Variants in RAPGEF6 observed in about 807,000 individuals in gnomAD.
The protein encoded by RAPGEF6 is PDZ domain containing guanine nucleotide exchange factor (GEF) 2.
Under a neutral mutation model 171.4 loss-of-function variants are expected in RAPGEF6, and 56 were observed. The ratio of observed to expected loss-of-function variants is 0.33; its 90% CI spans 0.26 to 0.41. The LOEUF (loss-of-function observed/expected upper bound fraction) is 0.41, where lower values mean the gene tolerates loss of function less well. RAPGEF6 is among the 10% of genes least tolerant of loss of function. The pLI is 1.00. For missense variants in RAPGEF6, 1,674 were observed against 1,921.4 expected (o/e 0.87, Z 2.41); for synonymous variants, 692 against 650.1 (o/e 1.06, Z -0.98).
At chr5:131,524,609 TGAGA>T (rs55956395) in intron 6 of RAPGEF6, among the ~76,000 whole-genome samples, 122 of 134,992 alleles carry the variant, frequency 9.0e-4, no homozygotes, top group South Asian at 2.1e-3. Flanking sequence ...AGAGAGAGAT[TGAGA>T]GAGAGAGAGA....
chr5:131,605,321 GGAAA>G (rs1435558625), intron 1 of RAPGEF6, among the ~76,000 whole-genome samples: 2 of 152,146 alleles, frequency 1.3e-5, no homozygotes, highest in East Asian at 3.8e-4. Context: ...AGAAGAAAGT[GGAAA>G]GAGTCTATAG....
intron 4 of RAPGEF6, among the ~76,000 whole-genome samples, chr5:131,582,870 G>GAGTA (rs1296520349): frequency 6.6e-6 from 1 of 152,160 alleles, no homozygotes; most frequent in African/African-American, 2.4e-5. Context: ...CTTTGGAGAA[G>GAGTA]AGTAAGGCAC....
At chr5:131,529,997 T>G (rs1194053562) in intron 6 of RAPGEF6, among the ~76,000 whole-genome samples, 1 of 143,362 alleles carries the variant, frequency 7.0e-6, no homozygotes, top group Non-Finnish European at 1.5e-5. Context: ...AACCTCTGCC[T>G]CCCGGATTCA....
intron 6 of RAPGEF6, among the ~76,000 whole-genome samples, chr5:131,545,374 T>C (rs1451483612): frequency 6.6e-6 from 1 of 151,504 alleles, no homozygotes; most frequent in Non-Finnish European, 1.5e-5. Flanking sequence ...TTCAGCACTC[T>C]AGAAAGAAAA....
chr5:131,521,028 C>T (rs571402797), intron 7 of RAPGEF6, among the ~76,000 whole-genome samples: 1 of 152,284 alleles, frequency 6.6e-6, no homozygotes, highest in African/African-American at 2.4e-5. Context: ...CTTCTAACTA[C>T]AGAAGACATA....
intron 1 of RAPGEF6, among the ~76,000 whole-genome samples, chr5:131,622,499 A>T (rs1765650798): frequency 6.6e-6 from 1 of 152,272 alleles, no homozygotes; most frequent in South Asian, 2.1e-4. Flanking sequence ...TTATTAAAAT[A>T]GTGGAGAATG....
intron 6 of RAPGEF6, among the ~76,000 whole-genome samples, chr5:131,545,919 T>A (rs1156664333): frequency 1.3e-5 from 2 of 152,162 alleles, no homozygotes; most frequent in Non-Finnish European, 2.9e-5. Flanking sequence ...CATGCAAAAA[T>A]GCCACTATAC....
chr5:131,510,583 A>T, intron 7 of RAPGEF6, 92 bp from the exon 8 acceptor site: 1 of 1,213,760 alleles, frequency 8.2e-7, no homozygotes, highest in Non-Finnish European at 1.2e-6. Flanking sequence ...TCCCTACAAA[A>T]TATAAAAGAC....
chr5:131,577,103 A>G (rs1762650216), intron 4 of RAPGEF6, among the ~76,000 whole-genome samples: 1 of 152,174 alleles, frequency 6.6e-6, no homozygotes, highest in African/African-American at 2.4e-5. Context: ...AGAGGCCCAC[A>G]GGGTCTGAGA....
rs752310561 is a variant in RAPGEF6 at position 131,428,990 on chromosome 5, C to T, written c.4692G>A (p.Ser1564=). The change falls in exon 27 of 28, where the codon TCG becomes TCA. Residue 1564 remains serine (S), a synonymous_variant. Coordinates refer to ENST00000509018, the MANE Select transcript of RAPGEF6 (RefSeq NM_016340.6). ...GCCTCTGAGGCTGAGTTACAATCTT[C>T]GATGGAACACAGGCCACGAGGTTGC... ...LSSNLVACVP[S]KIVTQPQRHN... is the part of the protein sequence containing the mutation. The T allele has an allele frequency of 3.7e-5, 60 of 1,614,164 alleles. No individual in the cohort carries two copies. The highest frequency in any genetic ancestry group is 5.0e-5 in the Non-Finnish European group (59 of 1,180,014).
intron 9 of RAPGEF6, 126 bp from the exon 10 acceptor site, chr5:131,505,648 C>G: frequency 2.5e-6 from 2 of 805,096 alleles, no homozygotes; most frequent in South Asian, 3.7e-5. Context: ...GGTTATATTA[C>G]CAAACACTCT....
At chr5:131,482,543 T>C (rs1755559812) in intron 15 of RAPGEF6, among the ~76,000 whole-genome samples, 1 of 152,182 alleles carries the variant, frequency 6.6e-6, no homozygotes, top group South Asian at 2.1e-4. Flanking sequence ...GCTCAAATGA[T>C]CCTTCTGCCT....
intron 1 of RAPGEF6, among the ~76,000 whole-genome samples, chr5:131,632,300 A>C (rs1766364928): frequency 6.6e-6 from 1 of 152,100 alleles, no homozygotes; most frequent in African/African-American, 2.4e-5. Context: ...TGCTCTCAAC[A>C]TAGGGCCTTT....
intron 1 of RAPGEF6, among the ~76,000 whole-genome samples, chr5:131,633,922 C>T (rs1361570476): frequency 1.3e-5 from 2 of 152,094 alleles, no homozygotes; most frequent in Non-Finnish European, 2.9e-5. Context: ...ATGTATATCT[C>T]AAAAAGAGAA....
chr5:131,495,714 C>T (rs1756599221), intron 12 of RAPGEF6, 54 bp from the exon 13 acceptor site: 1 of 1,559,666 alleles, frequency 6.4e-7, no homozygotes. Flanking sequence ...TCCTTCTGCA[C>T]AAGTGGATTC....
At chr5:131,476,427 C>A (rs941138630) in intron 16 of RAPGEF6, among the ~76,000 whole-genome samples, 4 of 152,064 alleles carry the variant, frequency 2.6e-5, no homozygotes, top group Admixed American at 1.3e-4. Context: ...TGGTGAAACC[C>A]TGTCGCTACT....
intron 4 of RAPGEF6, among the ~76,000 whole-genome samples, chr5:131,586,296 C>T (rs2149997246): frequency 6.6e-6 from 1 of 152,196 alleles, no homozygotes; most frequent in African/African-American, 2.4e-5. Flanking sequence ...TTCTACATCT[C>T]AAAAACAAAA....
intron 4 of RAPGEF6, 33 bp from the exon 5 acceptor site, chr5:131,562,080 A>G: frequency 7.1e-7 from 1 of 1,410,384 alleles, no homozygotes; most frequent in South Asian, 1.3e-5. Context: ...TCTTTAGCAA[A>G]GGTTATTAAT....
chr5:131,503,344 A>G (rs1244895616), intron 11 of RAPGEF6, among the ~76,000 whole-genome samples: 1 of 152,240 alleles, frequency 6.6e-6, no homozygotes, highest in Non-Finnish European at 1.5e-5. Flanking sequence ...ACTTTTCTAT[A>G]AAGTTTGAAA....
Sources: allele counts gnomAD v4.1 joint callset (sites outside exome capture counted in the v4.1 genomes callset), GRCh38; gene constraint gnomAD v4.1.1; transcripts MANE v1.5; gene names NCBI Gene and HGNC (gene_info 2026-07-23, HGNC 2026-07-21).